The following PLCL1 variants were observed in gnomAD, a reference collection of about 807,000 sequenced individuals.
PLCL1 encodes phospholipase C like 1 (inactive), also known as inactive phospholipase C-like protein 1.
PLCL1 carries 41 observed loss-of-function variants against 84.4 expected under a neutral mutation model. That is an observed-to-expected ratio of 0.49 (90% CI 0.38 to 0.63). The LOEUF is 0.63. PLCL1 is among the 30% of genes least tolerant of loss of function. The probability of loss-of-function intolerance (pLI) is 0.00; values close to 1 mark genes in which losing one functional copy is unlikely to be tolerated. For synonymous variants in PLCL1, 490 were observed against 488.3 expected, an observed-to-expected ratio of 1.00 and a Z score of -0.05; for missense variants, 1,206 against 1,367.8, an observed-to-expected ratio of 0.88 and a Z score of 1.87.
intron 5 of PLCL1, among the ~76,000 whole-genome samples, chr2:198,106,925 G>A (rs192214082): frequency 5.7e-4 from 87 of 151,900 alleles, no homozygotes; most frequent in African/African-American, 2.0e-3. Flanking sequence ...TTTAACTCAC[G>A]CCCATGGTTC....
At chr2:198,125,619 C>T (rs1693967051) in intron 5 of PLCL1, among the ~76,000 whole-genome samples, 1 of 151,858 alleles carries the variant, frequency 6.6e-6, no homozygotes. Flanking sequence ...GTTTAATACC[C>T]TTGAAGGTGA....
At chr2:197,826,963 T>TC (rs1453574824) in intron 1 of PLCL1, among the ~76,000 whole-genome samples, 1 of 152,098 alleles carries the variant, frequency 6.6e-6, no homozygotes, top group African/African-American at 2.4e-5. Flanking sequence ...GTCTCCTTTT[T>TC]CCCCTCTTCT....
In PLCL1 at chr2:198,147,485, G is replaced by A. The variant is rs1453129709; in HGVS notation, c.*523G>A. 1 of 152,116 alleles carries A rather than the reference G, an allele frequency of 6.6e-6. No individual in the cohort carries two copies. Among genetic ancestry groups the A allele is most frequent in the Admixed American group, 6.6e-5 (1 of 15,258 alleles). 9.4% of individuals were successfully genotyped at this position (152,116 alleles called of 1,614,324 possible). A position where few individuals can be genotyped will look rare whatever the true frequency, so the allele number is the denominator to read the frequency against. ...TTATCAAAGCATAGATGTTTTGGTA[G>A]ATTAAATATAGATTAGAAAAATTCC... On this transcript the variant is annotated 3_prime_UTR_variant, in exon 6 of 6. Coordinates refer to ENST00000428675, the MANE Select transcript of PLCL1 (RefSeq NM_006226.4).
Position 198,080,661 on chromosome 2 carries a change from A to C in PLCL1, c.241-3097A>C, listed in dbSNP as rs542937243. Among the ~76,000 whole-genome samples the C allele has an allele frequency of 6.1e-4, 93 of 152,336 alleles. 1 individual carries two copies. The highest frequency in any genetic ancestry group is 3.4e-3 in the Middle Eastern group (1 of 294). On this transcript the variant is annotated intron_variant, in intron 1 of 5. Transcript: ENST00000428675. ...CAGACAACTGAACCTTTTCCAGCGTATTTTGAATGTACGTAATCTTGGCTG... is the reference window on the plus strand; with the variant it reads ...CAGACAACTGAACCTTTTCCAGCGTCTTTTGAATGTACGTAATCTTGGCTG...
intron 1 of PLCL1, among the ~76,000 whole-genome samples, chr2:197,923,076 A>G (rs1199310629): frequency 3.8e-3 from 299 of 79,620 alleles, no homozygotes; most frequent in Middle Eastern, 0.016. Flanking sequence ...GGCCGGGCGG[A>G]GGGCTGACCC....
chr2:197,841,086 A>G (rs1452250350), intron 1 of PLCL1, among the ~76,000 whole-genome samples: 1 of 152,198 alleles, frequency 6.6e-6, no homozygotes, highest in African/African-American at 2.4e-5. Context: ...GAATTCCCAT[A>G]TACTCCTCAT....
intron 1 of PLCL1, among the ~76,000 whole-genome samples, chr2:198,027,765 TA>T (rs1414610679): frequency 2.0e-5 from 3 of 152,120 alleles, no homozygotes; most frequent in African/African-American, 7.2e-5. Flanking sequence ...TATGGTTATG[TA>T]AAGTGTAAAC....
chr2:198,000,248 A>G (rs1690570265), intron 1 of PLCL1, among the ~76,000 whole-genome samples: 1 of 152,108 alleles, frequency 6.6e-6, no homozygotes, highest in African/African-American at 2.4e-5. Context: ...TGAGTGCAAA[A>G]ATGTCTGCTT....
chr2:197,893,952 GC>G (rs1688081157), intron 1 of PLCL1, among the ~76,000 whole-genome samples: 1 of 151,840 alleles, frequency 6.6e-6, no homozygotes, highest in Non-Finnish European at 1.5e-5. Context: ...TCGTTCTCAG[GC>G]TTGTCTCCTC....
At chr2:198,124,726 G>A (rs1693946964) in intron 5 of PLCL1, among the ~76,000 whole-genome samples, 1 of 152,104 alleles carries the variant, frequency 6.6e-6, no homozygotes, top group African/African-American at 2.4e-5. Context: ...AGCAGCTACT[G>A]CATTCAGAGT....
intron 1 of PLCL1, among the ~76,000 whole-genome samples, chr2:197,950,737 A>G (rs1689374150): frequency 6.6e-6 from 1 of 152,172 alleles, no homozygotes; most frequent in Admixed American, 6.5e-5. Flanking sequence ...TTGCTACTTC[A>G]GATTTTACTA....
rs528478497 is a variant in PLCL1 at position 197,869,456 on chromosome 2, G to A, written c.240+64117G>A. 3.2e-3 allele frequency among the ~76,000 whole-genome samples: 477 copies of A among 151,372 alleles called. 2 individuals are homozygous for A. The highest frequency in any genetic ancestry group is 5.6e-3 in the Non-Finnish European group (381 of 67,854). On this transcript the variant is annotated intron_variant, in intron 1 of 5. Transcript: ENST00000428675. ...ATTTACATAATAACTTTTTCACTTT[G>A]TATAGATTCAGTTTGTGACTCTAAT...
intron 1 of PLCL1, among the ~76,000 whole-genome samples, chr2:197,835,213 T>C (rs1043446032): frequency 6.6e-6 from 1 of 152,110 alleles, no homozygotes; most frequent in East Asian, 1.9e-4. Context: ...GGTTGATGGG[T>C]GCTGCAAACC....
chr2:197,960,258 C>T (rs2105788911), intron 1 of PLCL1, among the ~76,000 whole-genome samples: 1 of 152,110 alleles, frequency 6.6e-6, no homozygotes, highest in Admixed American at 6.5e-5. Flanking sequence ...GATGGAGGAA[C>T]ATTGATGTAA....
At chr2:197,959,358 G>A (rs1292088322) in intron 1 of PLCL1, among the ~76,000 whole-genome samples, 1 of 151,910 alleles carries the variant, frequency 6.6e-6, no homozygotes, top group Non-Finnish European at 1.5e-5. Flanking sequence ...TTCTATTCAG[G>A]TCTTCTACTG....
intron 1 of PLCL1, among the ~76,000 whole-genome samples, chr2:197,874,588 CTT>C (rs1391927824): frequency 6.6e-6 from 1 of 151,944 alleles, no homozygotes; most frequent in Non-Finnish European, 1.5e-5. Context: ...CAAATAAACA[CTT>C]TATTTGAAAT....
At chr2:198,072,098 G>A (rs1233809027) in intron 1 of PLCL1, among the ~76,000 whole-genome samples, 1 of 151,648 alleles carries the variant, frequency 6.6e-6, no homozygotes, top group Non-Finnish European at 1.5e-5. Context: ...TTTGCCAGTA[G>A]TATGTTTTTG....
intron 3 of PLCL1, among the ~76,000 whole-genome samples, chr2:198,092,746 G>C (rs1375587024): frequency 6.6e-6 from 1 of 152,068 alleles, no homozygotes; most frequent in Admixed American, 6.5e-5. Context: ...CTGCTTAGAA[G>C]TATTGAAAAA....
intron 1 of PLCL1, among the ~76,000 whole-genome samples, chr2:198,081,894 A>T (rs1692722483): frequency 2.0e-5 from 3 of 152,200 alleles, no homozygotes; most frequent in Admixed American, 2.0e-4. Context: ...ATTTCCAATG[A>T]AGGATATGGT....
Sources: gnomAD v4.1 joint callset for allele counts (sites outside exome capture counted in the v4.1 genomes callset) on GRCh38, gnomAD v4.1.1 for gene constraint, MANE v1.5 for transcripts, NCBI Gene and HGNC (gene_info 2026-07-23, HGNC 2026-07-21) for gene names.